Variants in ZNF385D observed in about 807,000 individuals in gnomAD.
ZNF385D encodes the protein zinc finger protein 659.
In ZNF385D, 15 loss-of-function variants were observed where a neutral mutation model predicts 35.8. The ratio of observed to expected loss-of-function variants is 0.42; its 90% CI spans 0.28 to 0.64. The LOEUF (loss-of-function observed/expected upper bound fraction) is 0.64, where lower values mean the gene tolerates loss of function less well. Ranked by LOEUF, ZNF385D falls within the 30% of genes least tolerant of loss-of-function variation. ZNF385D has a pLI of 0.23. For missense variants in ZNF385D, 474 were observed against 494.6 expected (o/e 0.96, Z 0.39); for synonymous variants, 212 against 186.8 (o/e 1.13, Z -1.10).
chr3:21,916,515 A>G (rs259538), intron 3 of ZNF385D, among the ~76,000 whole-genome samples: 42,176 of 152,074 alleles, frequency 0.28, 6,804 homozygotes, highest in Admixed American at 0.43. Context: ...ATATTTCTAT[A>G]CCCCAAAGTC....
intron 2 of ZNF385D, among the ~76,000 whole-genome samples, chr3:22,307,758 A>C (rs547734174): frequency 6.3e-4 from 96 of 152,036 alleles, no homozygotes; most frequent in Admixed American, 1.4e-3. Context: ...AAAAAAAAAA[A>C]AAAACTTTCT....
intron 4 of ZNF385D, among the ~76,000 whole-genome samples, 183 bp from the exon 5 acceptor site, chr3:21,437,386 A>G (rs1308139268): frequency 2.6e-5 from 4 of 152,152 alleles, no homozygotes; most frequent in Admixed American, 2.0e-4. Flanking sequence ...ATTTAATTTT[A>G]TGTATTAAAA....
chr3:22,108,574 T>C (rs1054638111), intron 3 of ZNF385D, among the ~76,000 whole-genome samples: 2 of 152,164 alleles, frequency 1.3e-5, no homozygotes, highest in Admixed American at 1.3e-4. Flanking sequence ...GATAAATCAG[T>C]TCAAATTCAA....
rs1300498844 is a variant in ZNF385D at position 22,296,827 on chromosome 3, C to G, written c.106+75623G>C. Among the ~76,000 whole-genome samples, 4 of 152,138 alleles carry G rather than the reference C, an allele frequency of 2.6e-5. No homozygotes were observed. The South Asian group carries it at 8.3e-4, about 31-fold the overall frequency. On this transcript the variant is annotated intron_variant, in intron 2 of 5. Transcript: ENST00000494108. Reference sequence around the variant, plus strand: ...TTGGCTTCTCTGGAGAGCAAAAGTGCAGGCTGCCAGATGTTCTTAAGCCTT... The same window carrying G: ...TTGGCTTCTCTGGAGAGCAAAAGTGGAGGCTGCCAGATGTTCTTAAGCCTT...
intron 2 of ZNF385D, among the ~76,000 whole-genome samples, chr3:22,264,356 C>T (rs1700788433): frequency 6.6e-6 from 1 of 151,952 alleles, no homozygotes; most frequent in South Asian, 2.1e-4. Context: ...GGCAGAACGC[C>T]AATCCCACTG....
At chr3:21,598,590 A>T (rs1163276723) in intron 2 of ZNF385D, among the ~76,000 whole-genome samples, 1 of 152,220 alleles carries the variant, frequency 6.6e-6, no homozygotes, top group Non-Finnish European at 1.5e-5. Context: ...ACAAAAGGCT[A>T]GAGTCTCAAA....
intron 3 of ZNF385D, among the ~76,000 whole-genome samples, chr3:22,100,333 G>A (rs930056447): frequency 5.5e-5 from 8 of 145,080 alleles, no homozygotes; most frequent in South Asian, 2.3e-4. Context: ...CCATTACTGG[G>A]TATATACCCA....
chr3:21,655,971 T>A (rs913198964), intron 2 of ZNF385D, among the ~76,000 whole-genome samples: 1 of 152,024 alleles, frequency 6.6e-6, no homozygotes, highest in African/African-American at 2.4e-5. Flanking sequence ...TGATGATCAA[T>A]ACATTTTTTT....
chr3:21,862,614 T>A (rs924446019), intron 3 of ZNF385D, among the ~76,000 whole-genome samples: 13 of 152,102 alleles, frequency 8.5e-5, no homozygotes, highest in African/African-American at 3.1e-4. Flanking sequence ...CATTCCAGCA[T>A]AAAGACGTAT....
At position 21,930,287 on chromosome 3, in the gene ZNF385D, A is replaced by C. The variant is rs547418908; in HGVS notation, c.325+238530T>G. ...TTTTTTTATACTGTACAAAAAAAAA[A>C]AAACTAGAAACGGATCATAGATTTA... On this transcript the variant is annotated intron_variant, in intron 3 of 5. Coordinates refer to the ZNF385D transcript ENST00000494108. Among the ~76,000 whole-genome samples, 6 of 151,978 alleles carry C rather than the reference A, an allele frequency of 3.9e-5. No individual in the cohort carries two copies. In the South Asian group the frequency reaches 8.3e-4, roughly 21 times the overall value.
intron 2 of ZNF385D, among the ~76,000 whole-genome samples, chr3:22,241,149 C>A (rs1040403937): frequency 2.6e-5 from 4 of 151,056 alleles, no homozygotes; most frequent in East Asian, 2.0e-4. Context: ...TTCTAAGAAA[C>A]CTTAACTAGC....
chr3:21,498,750 T>TA (rs1400177485), intron 4 of ZNF385D, among the ~76,000 whole-genome samples: 1 of 152,036 alleles, frequency 6.6e-6, no homozygotes, highest in African/African-American at 2.4e-5. Context: ...GAGACCATCC[T>TA]AGCCATCATG....
chr3:22,230,660 G>A (rs1361490124), intron 2 of ZNF385D, among the ~76,000 whole-genome samples: 3 of 152,206 alleles, frequency 2.0e-5, no homozygotes, highest in East Asian at 1.9e-4. Context: ...TAGTGAAAAT[G>A]AGGGAATCAC....
intron 3 of ZNF385D, among the ~76,000 whole-genome samples, chr3:22,155,158 G>A (rs563000095): frequency 1.4e-3 from 207 of 152,068 alleles, no homozygotes; most frequent in South Asian, 3.5e-3. Context: ...AAAATATCAC[G>A]TGTACCCCGT....
intron 3 of ZNF385D, among the ~76,000 whole-genome samples, chr3:21,858,227 G>A (rs1333023432): frequency 1.3e-5 from 2 of 151,710 alleles, no homozygotes; most frequent in Non-Finnish European, 2.9e-5. Context: ...AAAAGTCAAG[G>A]TCACAAAATC....
intron 1 of ZNF385D, among the ~76,000 whole-genome samples, chr3:21,715,867 C>G (rs2068299008): frequency 6.6e-6 from 1 of 152,132 alleles, no homozygotes; most frequent in Non-Finnish European, 1.5e-5. Flanking sequence ...ATTGCCTACT[C>G]AGCATTTACA....
intron 3 of ZNF385D, among the ~76,000 whole-genome samples, chr3:21,826,186 G>C (rs1694610646): frequency 6.6e-6 from 1 of 152,160 alleles, no homozygotes; most frequent in Non-Finnish European, 1.5e-5. Flanking sequence ...AACGAAGCTG[G>C]GAAAATAAAT....
intron 3 of ZNF385D, among the ~76,000 whole-genome samples, chr3:21,797,072 C>CA (rs2072186784): frequency 2.6e-5 from 4 of 152,126 alleles, no homozygotes; most frequent in African/African-American, 7.2e-5. Context: ...TAAGTCAAGA[C>CA]GTATTTGCAA....
intron 2 of ZNF385D, among the ~76,000 whole-genome samples, chr3:22,179,170 T>G (rs1173568567): frequency 6.6e-6 from 1 of 152,168 alleles, no homozygotes. Context: ...ATAAATTACT[T>G]TGGGCAGTAT....
Sources: allele counts gnomAD v4.1 joint callset (sites outside exome capture counted in the v4.1 genomes callset), GRCh38; gene constraint gnomAD v4.1.1; transcripts MANE v1.5; gene names NCBI Gene and HGNC (gene_info 2026-07-23, HGNC 2026-07-21).